Variants in FBXL17 observed in about 807,000 individuals in gnomAD.
FBXL17 encodes F-box/LRR-repeat protein 17.
Under a neutral mutation model 66.2 loss-of-function variants are expected in FBXL17, and 22 were observed. The observed-to-expected ratio is 0.33, with a 90% confidence interval of 0.24 to 0.47. The LOEUF (loss-of-function observed/expected upper bound fraction) is 0.47. Ranked by LOEUF, FBXL17 falls within the 20% of genes least tolerant of loss-of-function variation. FBXL17 has a pLI of 1.00. For synonymous variants in FBXL17, 474 were observed against 400.5 expected (o/e 1.18, Z -2.19); for missense variants, 878 against 948.2 (o/e 0.93, Z 0.97).
intron 4 of FBXL17, among the ~76,000 whole-genome samples, chr5:108,281,031 T>C (rs955156839): frequency 6.6e-6 from 1 of 151,794 alleles, no homozygotes; most frequent in Non-Finnish European, 1.5e-5. Context: ...AAACAAATAT[T>C]ACTAGACCTA....
At chr5:108,171,812 T>C (rs1580550942) in intron 6 of FBXL17, among the ~76,000 whole-genome samples, 1 of 111,116 alleles carries the variant, frequency 9.0e-6, no homozygotes, top group East Asian at 4.7e-4. Context: ...TTCCCAAGTG[T>C]TGTGGGAGGA....
chr5:108,203,110 A>G (rs1304882159), intron 5 of FBXL17, among the ~76,000 whole-genome samples: 1 of 152,174 alleles, frequency 6.6e-6, no homozygotes, highest in African/African-American at 2.4e-5. Context: ...TATGTTAATG[A>G]AAGAACATAA....
intron 7 of FBXL17, among the ~76,000 whole-genome samples, chr5:107,978,990 T>C (rs937840518): frequency 6.6e-6 from 1 of 152,198 alleles, no homozygotes; most frequent in African/African-American, 2.4e-5. Context: ...TTTTACCAGA[T>C]GTGGAATCAT....
At chr5:108,303,148 G>A (rs556353143) in intron 4 of FBXL17, among the ~76,000 whole-genome samples, 43 of 151,848 alleles carry the variant, frequency 2.8e-4, no homozygotes, top group African/African-American at 1.0e-3. Flanking sequence ...ATATAAAAAT[G>A]TTTCAAAATA....
intron 6 of FBXL17, among the ~76,000 whole-genome samples, chr5:108,099,953 T>C (rs1580439974): frequency 6.6e-6 from 1 of 152,178 alleles, no homozygotes; most frequent in African/African-American, 2.4e-5. Context: ...AATTAGGTTG[T>C]CTGGTGTGGG....
chr5:108,038,488 T>A (rs948119205), intron 6 of FBXL17, among the ~76,000 whole-genome samples: 1 of 152,136 alleles, frequency 6.6e-6, no homozygotes, highest in African/African-American at 2.4e-5. Flanking sequence ...TTTCATTATA[T>A]GATTCTATAT....
chr5:107,866,446 T>C (rs1748277601), intron 8 of FBXL17, among the ~76,000 whole-genome samples: 1 of 152,208 alleles, frequency 6.6e-6, no homozygotes, highest in Non-Finnish European at 1.5e-5. Flanking sequence ...TTTGTGAAAA[T>C]GTGAGGCAAA....
chr5:108,255,861 T>G lies in FBXL17; in HGVS notation c.1507-31633A>C, dbSNP rs189744685. ...GATGAAAAGGTTTTGTTCCTGCCAA[T>G]TGAATTTCTCTACCTGGGATTCGAC... On this transcript the variant is annotated intron_variant, in intron 4 of 8. Transcript: ENST00000542267. 3.4e-4 allele frequency among the ~76,000 whole-genome samples: 52 copies of G among 152,290 alleles called. 1 individual carries two copies. The highest frequency in any genetic ancestry group is 1.2e-3 in the African/African-American group (49 of 41,570).
intron 3 of FBXL17, among the ~76,000 whole-genome samples, chr5:108,356,959 T>C (rs914628179): frequency 2.0e-5 from 3 of 152,046 alleles, no homozygotes; most frequent in African/African-American, 7.2e-5. Context: ...TTCTCAATTC[T>C]GAAATGAACC....
At chr5:108,314,733 G>A (rs1253881600) in intron 4 of FBXL17, among the ~76,000 whole-genome samples, 1 of 151,156 alleles carries the variant, frequency 6.6e-6, no homozygotes, top group Non-Finnish European at 1.5e-5. Flanking sequence ...TTTAAAATCA[G>A]GCAAGAAAGT....
chr5:107,958,138 T>C (rs1375896895), intron 7 of FBXL17, among the ~76,000 whole-genome samples: 4 of 148,652 alleles, frequency 2.7e-5, no homozygotes, highest in African/African-American at 9.8e-5. Flanking sequence ...TGGAGTAGCT[T>C]GAAAAAAAAA....
intron 6 of FBXL17, among the ~76,000 whole-genome samples, chr5:108,160,260 C>A (rs1055140850): frequency 2.0e-5 from 3 of 152,112 alleles, no homozygotes; most frequent in Admixed American, 6.5e-5. Flanking sequence ...TACTATAATA[C>A]CACGATTAGA....
At chr5:108,336,248 T>C (rs890441785) in intron 4 of FBXL17, among the ~76,000 whole-genome samples, 1 of 152,210 alleles carries the variant, frequency 6.6e-6, no homozygotes, top group Non-Finnish European at 1.5e-5. Flanking sequence ...TCTCAAAGCA[T>C]GCAATGCCGG....
chr5:108,100,153 G>T (rs1319947425), intron 6 of FBXL17, among the ~76,000 whole-genome samples: 1 of 152,014 alleles, frequency 6.6e-6, no homozygotes, highest in Non-Finnish European at 1.5e-5. Context: ...AGTAAAAATA[G>T]ATTATTTACA....
chr5:107,918,716 T>C (rs1175151974), intron 7 of FBXL17, among the ~76,000 whole-genome samples: 1 of 152,252 alleles, frequency 6.6e-6, no homozygotes, highest in African/African-American at 2.4e-5. Context: ...AATAAAATCC[T>C]AGTGTTCCAC....
At chr5:107,994,725 C>A (rs973117580) in intron 7 of FBXL17, among the ~76,000 whole-genome samples, 50 of 152,108 alleles carry the variant, frequency 3.3e-4, no homozygotes, top group African/African-American at 1.2e-3. Flanking sequence ...ATAATCCCAG[C>A]TACTTGGGAG....
chr5:108,124,920 C>T (rs981611929), intron 6 of FBXL17, among the ~76,000 whole-genome samples: 5 of 151,900 alleles, frequency 3.3e-5, no homozygotes, highest in African/African-American at 9.7e-5. Context: ...ACAATTTAAC[C>T]GCAATCAAAT....
chr5:108,233,988 C>T (rs998224054), intron 4 of FBXL17, among the ~76,000 whole-genome samples: 3 of 151,976 alleles, frequency 2.0e-5, no homozygotes, highest in Non-Finnish European at 4.4e-5. Context: ...AAAGAAAAGC[C>T]CCTGCAGGAG....
intron 6 of FBXL17, among the ~76,000 whole-genome samples, chr5:108,061,180 G>A (rs757464901): frequency 1.3e-5 from 2 of 152,056 alleles, no homozygotes; most frequent in Non-Finnish European, 2.9e-5. Context: ...CCAGCTACTC[G>A]GGAGGCTAAG....
Sources: gnomAD v4.1 joint callset for allele counts (sites outside exome capture counted in the v4.1 genomes callset) on GRCh38, gnomAD v4.1.1 for gene constraint, MANE v1.5 for transcripts, NCBI Gene and HGNC (gene_info 2026-07-23, HGNC 2026-07-21) for gene names.